SAFB2: variants seen among roughly 807,000 people sequenced by gnomAD.
The protein encoded by SAFB2 is scaffold attachment factor B2.
Under a neutral mutation model 100.6 loss-of-function variants are expected in SAFB2, and 32 were observed. The observed-to-expected ratio is 0.32, with a 90% CI of 0.24 to 0.43. SAFB2 has a LOEUF of 0.43. SAFB2 is among the 20% of genes least tolerant of loss of function. SAFB2 has a pLI of 1.00. For missense variants in SAFB2, 1,185 were observed against 1,163.4 expected (o/e 1.02, Z -0.27); for synonymous variants, 500 against 439.4 (o/e 1.14, Z -1.72).
At chr19:5,601,473 G>C (rs2052656252) in intron 11 of SAFB2, among the ~76,000 whole-genome samples, 2 of 152,170 alleles carry the variant, frequency 1.3e-5, no homozygotes, top group South Asian at 4.1e-4. Flanking sequence ...CACTTTGGGA[G>C]ACCAAGGTAG....
At position 5,595,348 on chromosome 19, in the gene SAFB2, C is replaced by G; in HGVS notation, c.1919+13G>C. 8 of 1,606,894 alleles carry G rather than the reference C, an allele frequency of 5.0e-6. No individual in the cohort carries two copies. Among genetic ancestry groups the G allele is most frequent in the Non-Finnish European group, 6.8e-6 (8 of 1,179,756 alleles). On this transcript the variant is annotated intron_variant, in intron 14 of 20. Transcript: ENST00000252542. ...GAAACCACCAGCCCACAGCCTCACC[C>G]AGCTCCACTCACCGCCGCCTCTCCG...
intron 8 of SAFB2, 104 bp downstream of exon 8, chr19:5,610,535 T>C (rs1599266267): frequency 2.3e-6 from 2 of 864,756 alleles, no homozygotes; most frequent in East Asian, 2.6e-5. Context: ...CGGTAACCCA[T>C]AACAAAACAA....
At chr19:5,615,989 T>C in intron 4 of SAFB2, 143 bp downstream of exon 4, 1 of 700,276 alleles carries the variant, frequency 1.4e-6, no homozygotes, top group Non-Finnish European at 2.4e-6. Context: ...AGCGTTTAAA[T>C]GGACATGGTT....
At chr19:5,621,510 A>C (rs1460554107) in intron 1 of SAFB2, 114 bp from the exon 2 acceptor site, 1 of 748,960 alleles carries the variant, frequency 1.3e-6, no homozygotes, top group Non-Finnish European at 2.4e-6. Context: ...GCAAAGAGCA[A>C]CTCCGGGTCA....
intron 2 of SAFB2, among the ~76,000 whole-genome samples, chr19:5,617,105 A>G (rs1217994914): frequency 6.6e-6 from 1 of 152,230 alleles, no homozygotes; most frequent in East Asian, 1.9e-4. Context: ...AAAAATGAGC[A>G]AAGGATAAAA....
intron 2 of SAFB2, among the ~76,000 whole-genome samples, chr19:5,619,672 C>G (rs1022436018): frequency 6.6e-6 from 1 of 152,032 alleles, no homozygotes; most frequent in Non-Finnish European, 1.5e-5. Context: ...GGTGAAACCA[C>G]GTTTCTACTA....
intron 13 of SAFB2, among the ~76,000 whole-genome samples, chr19:5,598,134 CAAAAAAA>C (rs11347497): frequency 5.2e-4 from 32 of 61,210 alleles, no homozygotes; most frequent in African/African-American, 1.4e-3. Context: ...GACTCCATCT[CAAAAAAA>C]AAAAAAAAAA....
intron 8 of SAFB2, 56 bp from the exon 9 acceptor site, chr19:5,610,151 C>T: frequency 6.9e-7 from 1 of 1,455,126 alleles, no homozygotes; most frequent in South Asian, 1.1e-5. Flanking sequence ...GGAAGCACAA[C>T]CATTCTTAAG....
In SAFB2 at chr19:5,622,768, A is replaced by T; in HGVS notation, c.-53T>A. ...TCAGTCGCACACCGCCGGCAGCTATAGCGGCTCTGAACACAAAATGGCGCC... is the reference window on the plus strand; with the variant it reads ...TCAGTCGCACACCGCCGGCAGCTATTGCGGCTCTGAACACAAAATGGCGCC... On this transcript the variant is annotated 5_prime_UTR_variant, in exon 1 of 21. Transcript: ENST00000252542. 1 of 1,543,678 alleles carries T rather than the reference A, an allele frequency of 6.5e-7. No homozygotes were observed. Among genetic ancestry groups the T allele is most frequent in the South Asian group, 1.2e-5 (1 of 85,126 alleles).
chr19:5,588,077 C>T, intron 18 of SAFB2, 97 bp from the exon 19 acceptor site: 1 of 1,035,982 alleles, frequency 9.7e-7, no homozygotes. Context: ...CATGGTGGGT[C>T]ATGCCACACA....
chr19:5,622,729 T>C lies in SAFB2; in HGVS notation c.-14A>G. On this transcript the variant is annotated 5_prime_UTR_variant, in exon 1 of 21. Coordinates refer to ENST00000252542, the MANE Select transcript of SAFB2 (RefSeq NM_014649.3). ...AGTCTCCGCCATCGTCGCGTTCCCGTCTTCGCCACCGACTCAGTCGCACAC... is the reference window on the plus strand; with the variant it reads ...AGTCTCCGCCATCGTCGCGTTCCCGCCTTCGCCACCGACTCAGTCGCACAC... The C allele has an allele frequency of 3.1e-6, 5 of 1,593,256 alleles. No homozygotes were observed. The highest frequency in any genetic ancestry group is 4.3e-6 in the Non-Finnish European group (5 of 1,174,370).
In SAFB2 at chr19:5,590,299, C is replaced by G; in HGVS notation, c.2504G>C (p.Arg835Pro). ...YGSDKRLSEG[R>P]GLPPPPRGGR... ...TAACCTGGGGGGAGGGGGCAGCCCCCGGCCTTCACTCAGCCTCTTGTCGGA... is the reference window on the plus strand; with the variant it reads ...TAACCTGGGGGGAGGGGGCAGCCCCGGGCCTTCACTCAGCCTCTTGTCGGA... Residue 835 changes from arginine to proline, a missense_variant, in exon 18 of 21, where the codon CGG becomes CCG. Coordinates refer to ENST00000252542, the MANE Select transcript of SAFB2 (RefSeq NM_014649.3). The G allele has an allele frequency of 6.2e-7, 1 of 1,602,836 alleles. No homozygotes were observed. The highest frequency in any genetic ancestry group is 1.1e-5 in the South Asian group (1 of 88,826).
At chr19:5,604,205 G>GT (rs1428883280) in intron 11 of SAFB2, among the ~76,000 whole-genome samples, 1 of 152,228 alleles carries the variant, frequency 6.6e-6, no homozygotes, top group Admixed American at 6.5e-5. Flanking sequence ...GAACTCAGGA[G>GT]TTTGAGACCA....
chr19:5,594,849 T>C (rs2052502528), intron 14 of SAFB2, among the ~76,000 whole-genome samples: 1 of 152,138 alleles, frequency 6.6e-6, no homozygotes, highest in Non-Finnish European at 1.5e-5. Flanking sequence ...GTAAAGGGCT[T>C]TGATGACTTC....
At chr19:5,610,731 A>C (rs776030471) in intron 7 of SAFB2, 43 bp from the exon 8 acceptor site, 3 of 1,331,150 alleles carry the variant, frequency 2.3e-6, no homozygotes, top group Non-Finnish European at 3.2e-6. Flanking sequence ...AAAAAAACGA[A>C]AGAGAACAAA....
At chr19:5,600,481 T>C (rs1207425647) in intron 11 of SAFB2, among the ~76,000 whole-genome samples, 1 of 152,230 alleles carries the variant, frequency 6.6e-6, no homozygotes, top group Non-Finnish European at 1.5e-5. Flanking sequence ...TTGAGGGATA[T>C]GCACAATGAA....
chr19:5,606,997 C>T (rs1269076351), intron 9 of SAFB2, among the ~76,000 whole-genome samples: 2 of 152,194 alleles, frequency 1.3e-5, no homozygotes, highest in African/African-American at 4.8e-5. Flanking sequence ...CGTGGTGGCT[C>T]ACGCCTGTAA....
At chr19:5,617,815 G>A (rs913897274) in intron 2 of SAFB2, among the ~76,000 whole-genome samples, 7 of 152,304 alleles carry the variant, frequency 4.6e-5, no homozygotes, top group African/African-American at 1.7e-4. Context: ...TTTAAAGAAT[G>A]TATGCTTTTA....
chr19:5,600,092 G>A, intron 12 of SAFB2, 38 bp downstream of exon 12: 2 of 1,595,262 alleles, frequency 1.3e-6, no homozygotes, highest in Non-Finnish European at 1.7e-6. Flanking sequence ...CCCGTGCCAG[G>A]CCTTCCCCTT....
Sources: gnomAD v4.1 joint callset for allele counts (sites outside exome capture counted in the v4.1 genomes callset) on GRCh38, gnomAD v4.1.1 for gene constraint, MANE v1.5 for transcripts, NCBI Gene and HGNC (gene_info 2026-07-23, HGNC 2026-07-21) for gene names.